The following TNPO3 variants were observed in gnomAD, a reference collection of about 807,000 sequenced individuals.
TNPO3 encodes transportin 3.
A neutral mutation model predicts 122.8 loss-of-function variants in TNPO3; 65 were observed. The observed-to-expected ratio is 0.53, with a 90% confidence interval of 0.43 to 0.65. TNPO3 has a LOEUF of 0.65. Ranked by LOEUF, TNPO3 falls within the 30% of genes least tolerant of loss-of-function variation. The pLI, the probability that TNPO3 is intolerant of heterozygous loss-of-function variation, is 0.00. For missense variants in TNPO3, 850 were observed against 1,136.7 expected (o/e 0.75, Z 3.63); for synonymous variants, 372 against 411.2 (o/e 0.90, Z 1.15).
chr7:129,027,558 C>CAAAAAAAAAAAAAAAAAAA (rs71162549), intron 1 of TNPO3, among the ~76,000 whole-genome samples: 2 of 8,972 alleles, frequency 2.2e-4, no homozygotes, highest in Non-Finnish European at 3.6e-4. Context: ...AAGACTGTCT[C>CAAAAAAAAAAAAAAAAAAA]AAAAAAAAAA....
intron 1 of TNPO3, among the ~76,000 whole-genome samples, chr7:129,038,524 T>C (rs968303520): frequency 6.6e-6 from 1 of 152,176 alleles, no homozygotes; most frequent in Non-Finnish European, 1.5e-5. Flanking sequence ...TAAAGACACA[T>C]GCATGCAAAT....
At chr7:128,989,798 A>G (rs1016359947) in intron 11 of TNPO3, among the ~76,000 whole-genome samples, 163 bp downstream of exon 11, 6 of 152,228 alleles carry the variant, frequency 3.9e-5, no homozygotes, top group Admixed American at 2.6e-4. Context: ...TATAAATGTT[A>G]TATCAAATAA....
chr7:128,979,086 C>A lies in TNPO3; in HGVS notation c.1958G>T (p.Arg653Leu). The part of the protein sequence containing the change: ...PVLSETLNKH[R>L]ADNRIVERCC... ...ACGCTCTACAATCCGATTATCAGCT[C>A]GGTGCTTATTTAGAGTCTCGGATAA... Residue 653 changes from arginine (R) to leucine (L), a missense_variant, in exon 16 of 23, where the codon CGA becomes CTA. Coordinates refer to ENST00000265388, the MANE Select transcript of TNPO3 (RefSeq NM_012470.4). 6.2e-6 allele frequency: 10 copies of A among 1,614,156 alleles called. No homozygotes were observed. The highest frequency in any genetic ancestry group is 8.5e-6 in the Non-Finnish European group (10 of 1,180,012).
chr7:129,046,943 G>A (rs1223402819), intron 1 of TNPO3, among the ~76,000 whole-genome samples: 1 of 152,128 alleles, frequency 6.6e-6, no homozygotes, highest in African/African-American at 2.4e-5. Context: ...CCACAAATCG[G>A]GGGGTATTAT....
intron 4 of TNPO3, among the ~76,000 whole-genome samples, chr7:129,013,105 CTTTCT>C (rs1276683157): frequency 2.0e-5 from 3 of 152,102 alleles, no homozygotes; most frequent in Non-Finnish European, 4.4e-5. Flanking sequence ...AGAGACAATC[CTTTCT>C]TTTATCTCTC....
intron 4 of TNPO3, among the ~76,000 whole-genome samples, chr7:129,013,558 C>T (rs994286368): frequency 2.0e-5 from 3 of 152,044 alleles, no homozygotes; most frequent in South Asian, 2.1e-4. Context: ...AAAAACAGTA[C>T]GGAAGTTTCT....
chr7:128,995,567 C>T (rs1247570584), intron 8 of TNPO3, among the ~76,000 whole-genome samples: 1 of 152,158 alleles, frequency 6.6e-6, no homozygotes, highest in African/African-American at 2.4e-5. Flanking sequence ...TAAGAAATTA[C>T]CCGCAAGGGA....
chr7:128,968,013 G>A (rs1311507717), intron 20 of TNPO3, among the ~76,000 whole-genome samples: 1 of 152,000 alleles, frequency 6.6e-6, no homozygotes, highest in African/African-American at 2.4e-5. Flanking sequence ...CCAAAGTGCT[G>A]GAACTACAGG....
Position 128,967,383 on chromosome 7 carries a change from G to T in TNPO3, c.2608C>A (p.Arg870=). ...CCTTTTAAGGAATTTTCTAACCATC[G>T]ACAAAAAGTCTGTATAGGAAAGAGG... ...IMQVDRPTFC[R]WLENSLKGLP... is the part of the protein sequence containing the mutation. Residue 870 remains arginine (R), a synonymous_variant, in exon 21 of 23, where the codon CGA becomes AGA. Coordinates refer to ENST00000265388, the MANE Select transcript of TNPO3 (RefSeq NM_012470.4). The T allele has an allele frequency of 6.2e-7, 1 of 1,610,982 alleles. No individual in the cohort carries two copies. The highest frequency in any genetic ancestry group is 1.1e-5 in the South Asian group (1 of 90,986).
chr7:128,998,003 A>G (rs1801516227), intron 7 of TNPO3, among the ~76,000 whole-genome samples: 2 of 142,066 alleles, frequency 1.4e-5, no homozygotes, highest in South Asian at 4.6e-4. Context: ...AAGCTCAGCT[A>G]ATTTTTTTTT....
intron 4 of TNPO3, among the ~76,000 whole-genome samples, chr7:129,013,434 C>CAAAAAAA (rs3993440): frequency 7.8e-6 from 1 of 127,700 alleles, no homozygotes; most frequent in Non-Finnish European, 1.6e-5. Context: ...CAAATAATAG[C>CAAAAAAA]AAAAAAAAAA....
intron 19 of TNPO3, chr7:128,970,674 AT>A (rs928822501): frequency 1.3e-4 from 20 of 156,962 alleles, no homozygotes; most frequent in Non-Finnish European, 1.7e-4. Flanking sequence ...GATGGTATTA[AT>A]TTTTTTTTAA....
intron 4 of TNPO3, among the ~76,000 whole-genome samples, chr7:129,012,894 C>A (rs1405841223): frequency 3.3e-5 from 5 of 152,222 alleles, no homozygotes; most frequent in South Asian, 2.1e-4. Flanking sequence ...TGTGTTCCAA[C>A]AAAGCTTTAT....
Position 128,954,402 on chromosome 7 carries a change from T to A in TNPO3, c.*1015A>T, listed in dbSNP as rs1225747000. 16 of 152,208 alleles carry A rather than the reference T, an allele frequency of 1.1e-4. No homozygotes were observed. Among genetic ancestry groups the A allele is most frequent in the Admixed American group, 1.0e-3 (16 of 15,282 alleles). The allele number at this position is 152,208 out of a possible 1,614,324, so 9.4% of individuals were successfully genotyped here. ...TTTTAGTAACATACTAAATGACACA[T>A]CATCCCTTGTTAGCCCTGTAAACAT... On this transcript the variant is annotated 3_prime_UTR_variant, in exon 23 of 23. Coordinates refer to ENST00000265388, the MANE Select transcript of TNPO3 (RefSeq NM_012470.4).
intron 1 of TNPO3, among the ~76,000 whole-genome samples, chr7:129,051,448 A>G (rs772307046): frequency 1.3e-5 from 2 of 151,594 alleles, no homozygotes; most frequent in Non-Finnish European, 2.9e-5. Context: ...TCCTGGGCTC[A>G]AGGGATCCTC....
chr7:128,968,398 T>A (rs945632530), intron 20 of TNPO3, among the ~76,000 whole-genome samples: 2 of 152,176 alleles, frequency 1.3e-5, no homozygotes, highest in African/African-American at 4.8e-5. Context: ...ACTTCCTTCC[T>A]TTCTAAAATA....
chr7:129,041,476 A>T lies in TNPO3; in HGVS notation c.120+13175T>A, dbSNP rs143598398. ...TTGCTCATTGTTCTTCCCCTCTGCT[A>T]AACAGCAGAAAAAAGGAAGGGAAGG... is the stretch of plus-strand genomic sequence containing the variant. On this transcript the variant is annotated intron_variant, in intron 1 of 22. Transcript: ENST00000265388. 1.6e-3 allele frequency: 1,370 copies of T among 876,372 alleles called. 13 individuals are homozygous for T. In the African/African-American group the frequency reaches 0.023, roughly 15 times the overall value. 54.3% of individuals were successfully genotyped at this position (876,372 alleles called of 1,614,324 possible).
At chr7:129,000,337 A>G in intron 7 of TNPO3, 92 bp downstream of exon 7, 3 of 1,321,012 alleles carry the variant, frequency 2.3e-6, no homozygotes, top group Non-Finnish European at 3.0e-6. Context: ...TAATTTCTCA[A>G]CAATAAAAAT....
intron 20 of TNPO3, among the ~76,000 whole-genome samples, chr7:128,968,241 TTCAG>T (rs1448435786): frequency 1.3e-5 from 2 of 152,188 alleles, no homozygotes; most frequent in African/African-American, 2.4e-5. Flanking sequence ...GTCCTATCCA[TTCAG>T]TTCCTTTGTG....
Sources: gnomAD v4.1 joint callset for allele counts (sites outside exome capture counted in the v4.1 genomes callset) on GRCh38, gnomAD v4.1.1 for gene constraint, MANE v1.5 for transcripts, NCBI Gene and HGNC (gene_info 2026-07-23, HGNC 2026-07-21) for gene names.